RMDN2: variants seen among roughly 807,000 people sequenced by gnomAD.
The protein encoded by RMDN2 is regulator of microtubule dynamics 2.
In RMDN2, 61 loss-of-function variants were observed where a neutral mutation model predicts 52.8. The ratio of observed to expected loss-of-function variants is 1.16; its 90% confidence interval spans 0.94 to 1.43. The LOEUF (loss-of-function observed/expected upper bound fraction) is 1.43, where lower values mean the gene tolerates loss of function less well. RMDN2 is among the 40% of genes most tolerant of loss of function. The probability of loss-of-function intolerance (pLI) is 0.00; values close to 1 mark genes in which losing one functional copy is unlikely to be tolerated. For synonymous variants in RMDN2, 180 were observed against 153.1 expected, an observed-to-expected ratio of 1.18 and a Z score of -1.30; for missense variants, 592 against 475.3, an observed-to-expected ratio of 1.25 and a Z score of -2.28.
chr2:38,007,667 C>T (rs1162252040), intron 10 of RMDN2, among the ~76,000 whole-genome samples: 5 of 152,252 alleles, frequency 3.3e-5, no homozygotes, highest in Middle Eastern at 3.4e-3. Context: ...CTCCTGGATT[C>T]ATTGATTTTT....
intron 10 of RMDN2, among the ~76,000 whole-genome samples, chr2:38,024,105 C>G (rs1282767635): frequency 6.6e-6 from 1 of 152,134 alleles, no homozygotes; most frequent in Non-Finnish European, 1.5e-5. Context: ...CATGTGGTAA[C>G]ATGAACTAAT....
Position 37,951,765 on chromosome 2 carries a change from A to G in RMDN2, c.452+22036A>G, listed in dbSNP as rs140903543. 1.7e-4 allele frequency: 270 copies of G among 1,613,214 alleles called. 4 individuals are homozygous for G. In the East Asian group the frequency reaches 2.7e-3, roughly 16 times the overall value. On this transcript the variant is annotated intron_variant, in intron 2 of 10. Coordinates refer to ENST00000354545, the MANE Select transcript of RMDN2 (RefSeq NM_001170791.3). ...AACCATCTCTGCTCCTGAATATAAC[A>G]CTAAAAATTTTAAGAATTTTGAAAC...
chr2:37,988,109 A>C (rs1261788061), intron 5 of RMDN2, among the ~76,000 whole-genome samples: 1 of 152,196 alleles, frequency 6.6e-6, no homozygotes, highest in Non-Finnish European at 1.5e-5. Context: ...AGGATAGGAG[A>C]TATATGGGAA....
At chr2:38,017,765 T>C (rs1175272716), downstream of RMDN2, 3 of 299,268 alleles carry the variant, frequency 1.0e-5, no homozygotes, top group Non-Finnish European at 6.6e-6. Context: ...CTCGTGTCCA[T>C]GTGAAGAGAC....
chr2:38,048,305 A>G (rs977583908), intron 10 of RMDN2, among the ~76,000 whole-genome samples: 1 of 152,216 alleles, frequency 6.6e-6, no homozygotes, highest in African/African-American at 2.4e-5. Context: ...ACATAAATCA[A>G]TAACAGGCCT....
intron 10 of RMDN2, chr2:38,036,187 GTCACC>G (rs1680568551): frequency 2.6e-5 from 4 of 152,192 alleles, no homozygotes; most frequent in African/African-American, 9.7e-5. Context: ...AGGAGCATCC[GTCACC>G]TGCCGGAGCA....
intron 10 of RMDN2, among the ~76,000 whole-genome samples, chr2:38,011,480 T>TA (rs891870935): frequency 8.6e-5 from 13 of 152,030 alleles, no homozygotes; most frequent in African/African-American, 2.2e-4. Context: ...AATGCCTCAG[T>TA]AAAAAAAACC....
At chr2:37,991,137 T>C (rs1229575416) in intron 6 of RMDN2, 83 bp from the exon 7 acceptor site, 2 of 619,674 alleles carry the variant, frequency 3.2e-6, no homozygotes, top group African/African-American at 1.9e-5. Flanking sequence ...TAAAACCACT[T>C]TTGAGTTACT....
chr2:37,995,059 T>G (rs1004540488), intron 7 of RMDN2, among the ~76,000 whole-genome samples: 4 of 152,166 alleles, frequency 2.6e-5, no homozygotes, highest in Admixed American at 6.6e-5. Flanking sequence ...ATATATTGGT[T>G]GTTGTGGCAG....
At chr2:38,028,089 GTAAT>G in intron 10 of RMDN2, 1 of 152,312 alleles carries the variant, frequency 6.6e-6, no homozygotes, top group Non-Finnish European at 1.5e-5. Context: ...CTTTGCAATT[GTAAT>G]TAATCAAACA....
chr2:37,981,553 G>GA (rs1673319576), intron 5 of RMDN2, among the ~76,000 whole-genome samples: 1 of 152,146 alleles, frequency 6.6e-6, no homozygotes, highest in African/African-American at 2.4e-5. Context: ...AACTTTTATT[G>GA]AAAAATTATT....
chr2:38,054,460 C>T (rs1681767490), intron 10 of RMDN2, among the ~76,000 whole-genome samples: 1 of 152,200 alleles, frequency 6.6e-6, no homozygotes, highest in Non-Finnish European at 1.5e-5. Context: ...TTTAAATACA[C>T]AGAAACTACA....
intron 10 of RMDN2, among the ~76,000 whole-genome samples, chr2:38,016,087 A>G (rs1021335355): frequency 3.9e-5 from 6 of 152,260 alleles, no homozygotes; most frequent in Non-Finnish European, 8.8e-5. Context: ...GACCTGCTAC[A>G]AAGGAGAACA....
In RMDN2 at chr2:37,929,523, A is replaced by C. The variant is rs1205666413; in HGVS notation, c.246A>C (p.Leu82Phe). The C allele has an allele frequency of 1.3e-6, 2 of 1,551,658 alleles. No individual in the cohort carries two copies. Among genetic ancestry groups the C allele is most frequent in the Non-Finnish European group, 1.7e-6 (2 of 1,146,900 alleles). The change falls in exon 2 of 11, where the codon TTA becomes TTC. Residue 82 changes from leucine (L) to phenylalanine (F), a missense_variant. Leu to Phe is a conservative substitution (Grantham distance 22). Coordinates refer to ENST00000354545, the MANE Select transcript of RMDN2 (RefSeq NM_001170791.3). Reference protein sequence around the residue: ...QLQILEKLNELLTNMEELKEE... With the variant: ...QLQILEKLNEFLTNMEELKEE... ...AGATACTGGAGAAGTTAAACGAATT[A>C]CTGACAAATATGGAAGAACTCAAAG... is the stretch of plus-strand genomic sequence containing the variant.
At position 38,004,234 on chromosome 2, in the gene RMDN2, C is replaced by T. The variant is rs753302665; in HGVS notation, c.1179+18C>T. On this transcript the variant is annotated intron_variant, in intron 10 of 10. Coordinates refer to ENST00000354545, the MANE Select transcript of RMDN2 (RefSeq NM_001170791.3). ...CCAAAGAGGTAAGTCCAGAAAGTGA[C>T]AGTGAGTGCTGTTGTCTTGTTAGTA... 9.5e-5 allele frequency: 148 copies of T among 1,556,954 alleles called. No homozygotes were observed. The Admixed American group carries it at 2.4e-3, about 25-fold the overall frequency.
chr2:37,969,957 G>C (rs1671574088), intron 2 of RMDN2, among the ~76,000 whole-genome samples: 1 of 147,802 alleles, frequency 6.8e-6, no homozygotes, highest in South Asian at 2.1e-4. Context: ...CTTTTCAACA[G>C]TTTCTTACTC....
At chr2:38,016,894 C>G (rs746859270) in intron 10 of RMDN2, among the ~76,000 whole-genome samples, 3 of 151,670 alleles carry the variant, frequency 2.0e-5, no homozygotes, top group Non-Finnish European at 2.9e-5. Context: ...ATGATAAACC[C>G]TTTACTCATA....
chr2:37,958,124 A>G (rs896744572), intron 2 of RMDN2, among the ~76,000 whole-genome samples: 3 of 152,082 alleles, frequency 2.0e-5, no homozygotes, highest in African/African-American at 7.2e-5. Context: ...TCTTGACTAT[A>G]TGGGCTCTTT....
Position 37,950,481 on chromosome 2 carries a change from T to A in RMDN2, c.452+20752T>A, listed in dbSNP as rs1668637738. On this transcript the variant is annotated intron_variant, in intron 2 of 10. Transcript: ENST00000354545. ...TTAACTCCACATGCAGCTTGAGCAT[T>A]CAGTCTTCTGACCTGTTCCACCTCT... The A allele has an allele frequency of 1.9e-6, 3 of 1,612,158 alleles. No homozygotes were observed. The East Asian group carries it at 6.7e-5, about 36-fold the overall frequency.
Sources: gnomAD v4.1 joint callset for allele counts (sites outside exome capture counted in the v4.1 genomes callset) on GRCh38, gnomAD v4.1.1 for gene constraint, MANE v1.5 for transcripts, NCBI Gene and HGNC (gene_info 2026-07-23, HGNC 2026-07-21) for gene names.